Variants in P2RY12 observed in about 807,000 individuals in gnomAD.
P2RY12 encodes P2Y purinoceptor 12.
P2RY12 carries 3 observed loss-of-function variants against 4.5 expected under a neutral mutation model. The observed-to-expected ratio is 0.67, with a 90% CI of 0.31 to 1.74. The LOEUF (loss-of-function observed/expected upper bound fraction) is 1.74. Among genes scored for constraint, P2RY12 ranks in the 40% most tolerant of loss-of-function variants. The pLI, the probability that P2RY12 is intolerant of heterozygous loss-of-function variation, is 0.09. For missense variants in P2RY12, 356 were observed against 407.8 expected (o/e 0.87, Z 1.09); for synonymous variants, 148 against 154.1 (o/e 0.96, Z 0.29).
At chr3:151,379,978 T>A (rs1711959617) in intron 1 of P2RY12, 2 of 568,338 alleles carry the variant, frequency 3.5e-6, no homozygotes, top group East Asian at 6.3e-5. Flanking sequence ...AGGTATGATT[T>A]AAATTTTCAA....
chr3:151,376,350 G>T, intron 1 of P2RY12: 1 of 686,078 alleles, frequency 1.5e-6, no homozygotes, highest in Non-Finnish European at 2.2e-6. Flanking sequence ...ATTTTCTGTG[G>T]AATTGACATA....
intron 1 of P2RY12, among the ~76,000 whole-genome samples, chr3:151,351,478 G>A (rs1753230803): frequency 6.6e-6 from 1 of 152,168 alleles, no homozygotes; most frequent in South Asian, 2.1e-4. Context: ...GAAGGGAAAT[G>A]AAACCTTCTT....
rs1414744489 is a variant in P2RY12 at position 151,337,153 on chromosome 3, C to T, written c.*664G>A. On this transcript the variant is annotated 3_prime_UTR_variant, in exon 3 of 3. Transcript: ENST00000302632. ...ATTAGAATGTCATAAAAGTAAGTCT[C>T]CTTATTTTAATGACTTCGATATTTC... 6.6e-6 allele frequency: 1 copy of T among 151,926 alleles called. No homozygotes were observed. Among genetic ancestry groups the T allele is most frequent in the Non-Finnish European group, 1.5e-5 (1 of 67,946 alleles). The allele number at this position is 151,926 out of a possible 1,614,324, so 9.4% of individuals were successfully genotyped here.
chr3:151,352,544 CT>C (rs34563543), intron 1 of P2RY12, among the ~76,000 whole-genome samples: 189 of 152,234 alleles, frequency 1.2e-3, no homozygotes, highest in Non-Finnish European at 2.4e-3. Flanking sequence ...AATATGCCCA[CT>C]TTTTTCAGCA....
intron 1 of P2RY12, among the ~76,000 whole-genome samples, chr3:151,343,137 C>T (rs571848985): frequency 6.6e-5 from 10 of 152,210 alleles, no homozygotes; most frequent in South Asian, 4.1e-4. Flanking sequence ...GATGGTTGTA[C>T]GTCTTTCAAT....
chr3:151,350,201 C>T (rs1753048443), intron 1 of P2RY12: 19 of 1,613,278 alleles, frequency 1.2e-5, no homozygotes, highest in Non-Finnish European at 1.6e-5. Flanking sequence ...ACCACAGAGA[C>T]AGGGGGTAAA....
intron 1 of P2RY12, chr3:151,377,904 C>T: frequency 1.9e-6 from 2 of 1,068,558 alleles, no homozygotes; most frequent in Non-Finnish European, 1.3e-6. Context: ...AATTTTAGAA[C>T]AGTCTGTGTG....
Position 151,368,619 on chromosome 3 carries a change from T to C in P2RY12, c.-180+16073A>G, listed in dbSNP as rs77861639. Among the ~76,000 whole-genome samples, 183 of 80,692 alleles carry C rather than the reference T, an allele frequency of 2.3e-3. 5 individuals are homozygous for C. The East Asian group carries it at 0.035, about 15-fold the overall frequency. The allele number at this position is 80,692 out of a possible 152,430, so 52.9% of individuals were successfully genotyped here. A position where few individuals can be genotyped will look rare whatever the true frequency, so the allele number is the denominator to read the frequency against. ...TATTTTATTTTATTTTATTTTATTT[T>C]ATTTTATTTTATTTCATTTCATTTC... is the stretch of plus-strand genomic sequence containing the variant. On this transcript the variant is annotated intron_variant, in intron 1 of 2. Transcript: ENST00000302632.
chr3:151,378,018 C>G (rs541572659), intron 1 of P2RY12: 1 of 1,597,174 alleles, frequency 6.3e-7, no homozygotes, highest in South Asian at 1.1e-5. Context: ...TTAGTTCCTC[C>G]GAACGCAGGG....
At chr3:151,379,587 C>T (rs1711867620) in intron 1 of P2RY12, among the ~76,000 whole-genome samples, 1 of 152,146 alleles carries the variant, frequency 6.6e-6, no homozygotes, top group African/African-American at 2.4e-5. Flanking sequence ...TTTTGGAGTC[C>T]TCAGCCCTGG....
chr3:151,377,183 T>A (rs886918067), intron 1 of P2RY12: 1 of 1,601,232 alleles, frequency 6.2e-7, no homozygotes, highest in East Asian at 2.2e-5. Flanking sequence ...CCTAAGGTAT[T>A]TTTGTCTGTT....
chr3:151,366,067 G>T lies in P2RY12; in HGVS notation c.-180+18625C>A, dbSNP rs557676830. 2.5e-5 allele frequency: 32 copies of T among 1,265,912 alleles called. No homozygotes were observed. The South Asian group carries it at 5.6e-4, about 22-fold the overall frequency. 78.4% of individuals were successfully genotyped at this position (1,265,912 alleles called of 1,614,324 possible). On this transcript the variant is annotated intron_variant, in intron 1 of 2. Coordinates refer to ENST00000302632, the MANE Select transcript of P2RY12 (RefSeq NM_022788.5). The stretch of plus-strand genomic sequence containing the variant: ...TTAGTGGGTAATCTTTTTGCTTTTG[G>T]CTTTTATTTAATTGATTCAACTGAA...
chr3:151,356,845 TA>T (rs1222989504), intron 1 of P2RY12, among the ~76,000 whole-genome samples: 1 of 152,174 alleles, frequency 6.6e-6, no homozygotes, highest in African/African-American at 2.4e-5. Context: ...TTCCTTTGTT[TA>T]TTTTATAGGA....
intron 1 of P2RY12, chr3:151,384,158 A>G (rs962586177): frequency 6.2e-7 from 1 of 1,614,058 alleles, no homozygotes; most frequent in Non-Finnish European, 8.5e-7. Context: ...TATCAAATGC[A>G]TCCCCTGGGG....
intron 1 of P2RY12, chr3:151,367,831 A>T: frequency 2.0e-6 from 3 of 1,532,042 alleles, no homozygotes; most frequent in Middle Eastern, 1.7e-4. Context: ...GGTTTCTAAC[A>T]TTACAACACA....
In P2RY12 at chr3:151,338,322, C is replaced by T. The variant is rs1577367042; in HGVS notation, c.524G>A (p.Cys175Tyr). The stretch of plus-strand genomic sequence containing the variant: ...ACCGAACTCTGATTTAAGGAAAGAG[C>T]ATTTCTTCACATTCTTGTCTCTCGG... ...RQPRDKNVKK[C>Y]SFLKSEFGLV... Residue 175 changes from cysteine to tyrosine, a missense_variant, in exon 3 of 3, where the codon TGC (cysteine) becomes TAC (tyrosine). Cys to Tyr is a radical substitution (Grantham distance 194). Coordinates refer to ENST00000302632, the MANE Select transcript of P2RY12 (RefSeq NM_022788.5). 6.2e-7 allele frequency: 1 copy of T among 1,614,056 alleles called. No individual in the cohort carries two copies. Among genetic ancestry groups the T allele is most frequent in the Non-Finnish European group, 8.5e-7 (1 of 1,179,982 alleles).
At chr3:151,375,821 C>A (rs563468544) in intron 1 of P2RY12, among the ~76,000 whole-genome samples, 1 of 151,942 alleles carries the variant, frequency 6.6e-6, no homozygotes, top group Non-Finnish European at 1.5e-5. Flanking sequence ...TGTTTTTAAG[C>A]AAGTTCTACT....
chr3:151,351,788 G>A (rs375763192), intron 1 of P2RY12, among the ~76,000 whole-genome samples: 1 of 152,120 alleles, frequency 6.6e-6, no homozygotes, highest in East Asian at 1.9e-4. Context: ...GGCTTGAGGG[G>A]TATGGGAAGG....
chr3:151,355,068 G>T (rs1753743717), intron 1 of P2RY12: 2 of 1,321,258 alleles, frequency 1.5e-6, no homozygotes, highest in African/African-American at 2.9e-5. Flanking sequence ...CATTAAAAAT[G>T]TCGAGAGCTT....
Sources: allele counts gnomAD v4.1 joint callset (sites outside exome capture counted in the v4.1 genomes callset), GRCh38; gene constraint gnomAD v4.1.1; transcripts MANE v1.5; gene names NCBI Gene and HGNC (gene_info 2026-07-23, HGNC 2026-07-21).